STAG1: variants seen among roughly 807,000 people sequenced by gnomAD.
STAG1 encodes the protein STAG1 cohesin complex component.
Under a neutral mutation model 170.9 loss-of-function variants are expected in STAG1, and 26 were observed. That is an observed-to-expected ratio of 0.15 (90% CI 0.11 to 0.21). STAG1 has a LOEUF of 0.21. Among genes scored for constraint, STAG1 ranks in the 10% least tolerant of loss-of-function variants. The pLI is 1.00. For synonymous variants in STAG1, 514 were observed against 497.7 expected, an observed-to-expected ratio of 1.03 and a Z score of -0.44; for missense variants, 964 against 1,509.5, an observed-to-expected ratio of 0.64 and a Z score of 5.99.
chr3:136,513,011 A>G (rs1934152859), intron 7 of STAG1, among the ~76,000 whole-genome samples: 1 of 152,172 alleles, frequency 6.6e-6, no homozygotes, highest in Admixed American at 6.5e-5. Context: ...AATTAATACC[A>G]TCAACGAAAA....
At position 136,338,357 on chromosome 3, in the gene STAG1, A is replaced by ATT. The variant is rs1461048086; in HGVS notation, c.3753+11_3753+12dup. On this transcript the variant is annotated intron_variant, in intron 33 of 33. Transcript: ENST00000383202. ...GAACCATAAATAAAAAGCAGTAATA[A>ATT]TTTGACATTTACTGAATCATCTTCT... is the stretch of plus-strand genomic sequence containing the variant. 6.2e-7 allele frequency: 1 copy of ATT among 1,605,524 alleles called. No homozygotes were observed. Among genetic ancestry groups the ATT allele is most frequent in the African/African-American group, 1.3e-5 (1 of 74,748 alleles).
At position 136,683,779 on chromosome 3, in the gene STAG1, A is replaced by T. The variant is rs146041531; in HGVS notation, c.-83-52798T>A. Among the ~76,000 whole-genome samples the T allele has an allele frequency of 9.8e-4, 149 of 152,348 alleles. 1 individual carries two copies. Among genetic ancestry groups the T allele is most frequent in the African/African-American group, 3.5e-3 (146 of 41,580 alleles). On this transcript the variant is annotated intron_variant, in intron 1 of 33. Coordinates refer to ENST00000383202, the MANE Select transcript of STAG1 (RefSeq NM_005862.3). Reference sequence around the variant, plus strand: ...ACAGTCTCTGTTCCCAGGAGACGAAATTGTCTTGCAGAAAATCCACACAAG... The same window carrying T: ...ACAGTCTCTGTTCCCAGGAGACGAATTTGTCTTGCAGAAAATCCACACAAG...
At chr3:136,580,880 T>C (rs545234095) in intron 4 of STAG1, among the ~76,000 whole-genome samples, 2 of 152,176 alleles carry the variant, frequency 1.3e-5, no homozygotes, top group South Asian at 2.1e-4. Context: ...TTTTTTCTCA[T>C]TGAATTATTA....
intron 28 of STAG1, among the ~76,000 whole-genome samples, chr3:136,357,498 C>G (rs575967930): frequency 2.2e-4 from 33 of 152,216 alleles, no homozygotes; most frequent in Non-Finnish European, 3.7e-4. Flanking sequence ...AAATCATTTC[C>G]ACCTGCTTAA....
At chr3:136,574,360 A>G (rs1444925442) in intron 4 of STAG1, among the ~76,000 whole-genome samples, 2 of 152,052 alleles carry the variant, frequency 1.3e-5, no homozygotes, top group Non-Finnish European at 2.9e-5. Flanking sequence ...ACACACACAC[A>G]CACACGCACA....
At position 136,680,563 on chromosome 3, in the gene STAG1, G is replaced by A. The variant is rs561411878; in HGVS notation, c.-83-49582C>T. ...AAGGGATACAACGGGAAGGAAAGTT[G>A]AAAACCAAGTCAAAAACAATGGCAT... On this transcript the variant is annotated intron_variant, in intron 1 of 33. Coordinates refer to ENST00000383202, the MANE Select transcript of STAG1 (RefSeq NM_005862.3). Among the ~76,000 whole-genome samples the A allele has an allele frequency of 6.7e-4, 102 of 151,930 alleles. 1 individual carries two copies. The highest frequency in any genetic ancestry group is 6.0e-3 in the Admixed American group (92 of 15,244).
At chr3:136,359,675 G>T (rs541423658) in intron 26 of STAG1, among the ~76,000 whole-genome samples, 3 of 152,260 alleles carry the variant, frequency 2.0e-5, no homozygotes, top group Admixed American at 2.0e-4. Context: ...GATAATAGGC[G>T]TGTACCACCA....
chr3:136,559,114 C>T (rs1936735679), intron 5 of STAG1, among the ~76,000 whole-genome samples: 1 of 134,496 alleles, frequency 7.4e-6, no homozygotes, highest in Non-Finnish European at 1.6e-5. Flanking sequence ...AGAAAGATAA[C>T]ACTGAACTAC....
intron 22 of STAG1, among the ~76,000 whole-genome samples, chr3:136,392,583 G>A (rs1039059872): frequency 4.0e-5 from 6 of 151,848 alleles, no homozygotes; most frequent in South Asian, 2.1e-4. Context: ...TGGCTAACAC[G>A]GTGAAACCCC....
chr3:136,414,840 A>G (rs560498464), intron 21 of STAG1, among the ~76,000 whole-genome samples: 6 of 152,344 alleles, frequency 3.9e-5, no homozygotes, highest in African/African-American at 1.4e-4. Flanking sequence ...CCACTTGAAC[A>G]TTAAGGAACA....
At chr3:136,728,274 A>T (rs1933802217) in intron 1 of STAG1, among the ~76,000 whole-genome samples, 1 of 152,256 alleles carries the variant, frequency 6.6e-6, no homozygotes, top group Non-Finnish European at 1.5e-5. Flanking sequence ...ACTATAAAGT[A>T]CCACAATACT....
intron 2 of STAG1, among the ~76,000 whole-genome samples, chr3:136,628,383 A>T (rs1437428962): frequency 6.6e-6 from 1 of 152,158 alleles, no homozygotes; most frequent in Non-Finnish European, 1.5e-5. Context: ...TCTGAACATG[A>T]CTTAGCAGGT....
At chr3:136,739,549 G>C (rs1471997025) in intron 1 of STAG1, among the ~76,000 whole-genome samples, 2 of 151,432 alleles carry the variant, frequency 1.3e-5, no homozygotes, top group African/African-American at 2.4e-5. Flanking sequence ...GCTAGGTGTG[G>C]TGGCTGACAC....
intron 1 of STAG1, among the ~76,000 whole-genome samples, 199 bp downstream of exon 1, chr3:136,751,996 C>T (rs1935281491): frequency 6.6e-6 from 1 of 150,830 alleles, no homozygotes; most frequent in Non-Finnish European, 1.5e-5. Flanking sequence ...GGACGGCCCA[C>T]GACCGCCGCA....
intron 1 of STAG1, among the ~76,000 whole-genome samples, chr3:136,666,515 T>C (rs1400784671): frequency 6.6e-6 from 1 of 152,142 alleles, no homozygotes; most frequent in Non-Finnish European, 1.5e-5. Context: ...AAAGATCACA[T>C]GATGAATAAC....
At chr3:136,592,465 C>G (rs373584083) in intron 4 of STAG1, among the ~76,000 whole-genome samples, 1 of 152,112 alleles carries the variant, frequency 6.6e-6, no homozygotes, top group Non-Finnish European at 1.5e-5. Flanking sequence ...TGCAGAACTG[C>G]GAGTCAATGA....
intron 1 of STAG1, among the ~76,000 whole-genome samples, chr3:136,750,870 G>A (rs1164747406): frequency 1.3e-5 from 2 of 152,108 alleles, no homozygotes; most frequent in African/African-American, 4.8e-5. Context: ...ATTAGAACAA[G>A]GTACGTTACA....
At chr3:136,550,320 T>A (rs1355630376) in intron 5 of STAG1, among the ~76,000 whole-genome samples, 1 of 151,966 alleles carries the variant, frequency 6.6e-6, no homozygotes, top group Non-Finnish European at 1.5e-5. Context: ...CCTTTTTTTT[T>A]TTTTTGAGAC....
chr3:136,400,035 G>A (rs975770324), intron 21 of STAG1, among the ~76,000 whole-genome samples: 8 of 150,626 alleles, frequency 5.3e-5, no homozygotes, highest in East Asian at 2.0e-4. Flanking sequence ...TGGTCCTCTC[G>A]CCTCAGCCTC....
Sources: allele counts gnomAD v4.1 joint callset (sites outside exome capture counted in the v4.1 genomes callset), GRCh38; gene constraint gnomAD v4.1.1; transcripts MANE v1.5; gene names NCBI Gene and HGNC (gene_info 2026-07-23, HGNC 2026-07-21).